NXPH2: variants seen among roughly 807,000 people sequenced by gnomAD.
NXPH2 encodes neurexophilin-2.
A neutral mutation model predicts 19.8 loss-of-function variants in NXPH2; 5 were observed. The ratio of observed to expected loss-of-function variants is 0.25; its 90% confidence interval spans 0.13 to 0.53. The LOEUF (loss-of-function observed/expected upper bound fraction) is 0.53, where lower values mean the gene tolerates loss of function less well. NXPH2 is among the 20% of genes least tolerant of loss of function. The probability of loss-of-function intolerance (pLI) is 0.96; values close to 1 mark genes in which losing one functional copy is unlikely to be tolerated. For missense variants in NXPH2, 289 were observed against 322.8 expected (o/e 0.90, Z 0.80); for synonymous variants, 154 against 127.4 (o/e 1.21, Z -1.41).
At chr2:138,767,510 AG>A (rs1682109981) in intron 1 of NXPH2, among the ~76,000 whole-genome samples, 1 of 152,230 alleles carries the variant, frequency 6.6e-6, no homozygotes, top group African/African-American at 2.4e-5. Context: ...TTTGTTACAT[AG>A]GTATACATGT....
intron 1 of NXPH2, among the ~76,000 whole-genome samples, chr2:138,716,900 A>G (rs1441958611): frequency 6.6e-6 from 1 of 152,174 alleles, no homozygotes. Context: ...GTTGGTATTT[A>G]CCAAAATTAA....
At chr2:138,755,235 T>C (rs1649788795) in intron 1 of NXPH2, among the ~76,000 whole-genome samples, 4 of 152,228 alleles carry the variant, frequency 2.6e-5, no homozygotes, top group Admixed American at 1.3e-4. Context: ...TCGCAAAGTG[T>C]GCCTCTATAT....
At chr2:138,707,094 C>CAAAAAAAAAAAAAAAAAAAAA (rs70982073) in intron 1 of NXPH2, among the ~76,000 whole-genome samples, 1,117 of 34,738 alleles carry the variant, frequency 0.032, 329 homozygotes, top group East Asian at 0.12. Flanking sequence ...TGCCCCATGA[C>CAAAAAAAAAAAAAAAAAAAAA]AAAAAAAAAA....
rs1573947183 is a variant in NXPH2, at chr2:138,670,333, T to C, written c.*589A>G. ...ACATTCCACGCAACTGTAGCTCAGA[T>C]GATAAGGAACTTGGTTCCACTGTGG... On this transcript the variant is annotated 3_prime_UTR_variant, in exon 2 of 2. Coordinates refer to ENST00000272641, the MANE Select transcript of NXPH2 (RefSeq NM_007226.3). Among the ~76,000 whole-genome samples, 1 of 152,224 alleles carries C rather than the reference T, an allele frequency of 6.6e-6. No homozygotes were observed. Among genetic ancestry groups the C allele is most frequent in the Non-Finnish European group, 1.5e-5 (1 of 68,034 alleles).
intron 1 of NXPH2, among the ~76,000 whole-genome samples, chr2:138,698,916 G>C (rs182927473): frequency 6.6e-6 from 1 of 152,208 alleles, no homozygotes; most frequent in Admixed American, 6.5e-5. Flanking sequence ...AAATTGAAAA[G>C]GGTAATGAAT....
chr2:138,722,000 A>T (rs1001402225), intron 1 of NXPH2, among the ~76,000 whole-genome samples: 1 of 152,238 alleles, frequency 6.6e-6, no homozygotes, highest in African/African-American at 2.4e-5. Context: ...CACAGGCTAC[A>T]GACAGTCAGA....
chr2:138,687,865 T>C (rs1680684893), intron 1 of NXPH2, among the ~76,000 whole-genome samples: 1 of 152,198 alleles, frequency 6.6e-6, no homozygotes, highest in African/African-American at 2.4e-5. Context: ...GTGGTATTAT[T>C]TCTGAGGGCT....
intron 1 of NXPH2, among the ~76,000 whole-genome samples, chr2:138,735,534 A>G (rs1681526480): frequency 6.6e-6 from 1 of 152,150 alleles, no homozygotes; most frequent in African/African-American, 2.4e-5. Flanking sequence ...ATTATCTCCC[A>G]TTGGGTCTCT....
At chr2:138,717,055 C>T (rs1265261725) in intron 1 of NXPH2, among the ~76,000 whole-genome samples, 2 of 152,112 alleles carry the variant, frequency 1.3e-5, no homozygotes, top group African/African-American at 2.4e-5. Context: ...ATTTGGAACT[C>T]ACAGTTTTCA....
intron 1 of NXPH2, among the ~76,000 whole-genome samples, chr2:138,743,409 G>C (rs182095691): frequency 6.6e-6 from 1 of 152,342 alleles, no homozygotes; most frequent in Admixed American, 6.5e-5. Context: ...ATTATGGTAA[G>C]TGAAAGAAGC....
chr2:138,706,463 T>G (rs1233339262), intron 1 of NXPH2, among the ~76,000 whole-genome samples: 4 of 152,224 alleles, frequency 2.6e-5, no homozygotes, highest in Admixed American at 2.6e-4. Context: ...TGGGCTGTTC[T>G]CTAGGATCTA....
At chr2:138,769,108 T>C (rs1053639185) in intron 1 of NXPH2, among the ~76,000 whole-genome samples, 1 of 152,232 alleles carries the variant, frequency 6.6e-6, no homozygotes, top group Non-Finnish European at 1.5e-5. Context: ...GCAATCTCAC[T>C]CTTAATAGTG....
chr2:138,761,884 G>C (rs151095533), intron 1 of NXPH2, among the ~76,000 whole-genome samples: 10 of 152,302 alleles, frequency 6.6e-5, no homozygotes, highest in Admixed American at 5.9e-4. Context: ...TGTCCAGGGA[G>C]TAATGCTAAA....
rs1680685148 is a variant in NXPH2 at position 138,687,888 on chromosome 2, A to G, written c.52-16223T>C. 2.6e-5 allele frequency among the ~76,000 whole-genome samples: 4 copies of G among 152,148 alleles called. No individual in the cohort carries two copies. In the South Asian group the frequency reaches 8.3e-4, roughly 32 times the overall value. On this transcript the variant is annotated intron_variant, in intron 1 of 1. Coordinates refer to ENST00000272641, the MANE Select transcript of NXPH2 (RefSeq NM_007226.3). Reference sequence around the variant, plus strand: ...ATTTCTGAGGGCTCTGTTCTGTTCCATTGGTCTATATCTCTGTTTTGGTAC... The same window carrying G: ...ATTTCTGAGGGCTCTGTTCTGTTCCGTTGGTCTATATCTCTGTTTTGGTAC...
At chr2:138,737,410 TA>T (rs1174946640) in intron 1 of NXPH2, among the ~76,000 whole-genome samples, 2 of 152,152 alleles carry the variant, frequency 1.3e-5, no homozygotes, top group Admixed American at 1.3e-4. Context: ...TTGTGAGACT[TA>T]TTCACTATCA....
chr2:138,764,013 G>T (rs958223155), intron 1 of NXPH2, among the ~76,000 whole-genome samples: 1 of 152,102 alleles, frequency 6.6e-6, no homozygotes, highest in African/African-American at 2.4e-5. Context: ...TGTGTTCATA[G>T]ATTTCACTTG....
At chr2:138,737,858 C>T (rs146128272) in intron 1 of NXPH2, among the ~76,000 whole-genome samples, 15 of 152,064 alleles carry the variant, frequency 9.9e-5, no homozygotes, top group Non-Finnish European at 1.8e-4. Context: ...GTAAATACCT[C>T]GGTGATCAAC....
intron 1 of NXPH2, among the ~76,000 whole-genome samples, chr2:138,717,976 C>G (rs1681217639): frequency 1.3e-5 from 2 of 151,250 alleles, no homozygotes; most frequent in Non-Finnish European, 1.5e-5. Flanking sequence ...GAAGCTCAAG[C>G]AAAGAAATTT....
chr2:138,778,962 G>A (rs1682308162), intron 1 of NXPH2, among the ~76,000 whole-genome samples: 1 of 152,096 alleles, frequency 6.6e-6, no homozygotes, highest in Non-Finnish European at 1.5e-5. Flanking sequence ...ATGGACCACG[G>A]GCATCTCAGA....
Sources: allele counts gnomAD v4.1 joint callset (sites outside exome capture counted in the v4.1 genomes callset), GRCh38; gene constraint gnomAD v4.1.1; transcripts MANE v1.5; gene names NCBI Gene and HGNC (gene_info 2026-07-23, HGNC 2026-07-21).